ZC3H13: variants seen among roughly 807,000 people sequenced by gnomAD.
ZC3H13 encodes zinc finger CCCH-type containing 13.
ZC3H13 carries 64 observed loss-of-function variants against 204.1 expected under a neutral mutation model. The ratio of observed to expected loss-of-function variants is 0.31; its 90% CI spans 0.26 to 0.39. The LOEUF (loss-of-function observed/expected upper bound fraction) is 0.39, where lower values mean the gene tolerates loss of function less well. Among genes scored for constraint, ZC3H13 ranks in the 10% least tolerant of loss-of-function variants. The pLI is 1.00. For synonymous variants in ZC3H13, 667 were observed against 693.7 expected, an observed-to-expected ratio of 0.96 and a Z score of 0.60; for missense variants, 1,833 against 2,082.7, an observed-to-expected ratio of 0.88 and a Z score of 2.33.
intron 8 of ZC3H13, among the ~76,000 whole-genome samples, chr13:45,991,446 C>G (rs974263584): frequency 6.6e-6 from 1 of 152,174 alleles, no homozygotes; most frequent in South Asian, 2.1e-4. Flanking sequence ...TTTACTCAAC[C>G]TTCACCTACG....
At chr13:46,003,404 T>G in intron 7 of ZC3H13, 68 bp from the exon 8 acceptor site, 1 of 1,445,564 alleles carries the variant, frequency 6.9e-7, no homozygotes, top group South Asian at 1.3e-5. Context: ...AAAGCCTTCT[T>G]AAAAACAGCA....
intron 12 of ZC3H13, among the ~76,000 whole-genome samples, chr13:45,972,784 G>C (rs1342468400): frequency 6.6e-6 from 1 of 152,170 alleles, no homozygotes; most frequent in Non-Finnish European, 1.5e-5. Flanking sequence ...TATGACAAGA[G>C]AATGTGGTGA....
chr13:45,984,341 T>C (rs1953981400), intron 10 of ZC3H13, among the ~76,000 whole-genome samples: 2 of 152,298 alleles, frequency 1.3e-5, no homozygotes. Flanking sequence ...TATATCCTTT[T>C]ATACATTCAA....
intron 4 of ZC3H13, among the ~76,000 whole-genome samples, chr13:46,029,141 C>G (rs371687477): frequency 5.3e-4 from 81 of 152,166 alleles, no homozygotes; most frequent in African/African-American, 1.9e-3. Context: ...ATCCCATGAA[C>G]ATTAAAAATA....
intron 4 of ZC3H13, among the ~76,000 whole-genome samples, chr13:46,030,380 A>G (rs961416233): frequency 6.6e-6 from 1 of 152,230 alleles, no homozygotes. Flanking sequence ...ATCTAATGCA[A>G]TAAGACAAGA....
chr13:45,987,623 A>C (rs1336097574), intron 9 of ZC3H13, among the ~76,000 whole-genome samples: 1 of 152,188 alleles, frequency 6.6e-6, no homozygotes, highest in Non-Finnish European at 1.5e-5. Context: ...ATTTTCTTGA[A>C]CAAAAGAACC....
At position 46,042,173 on chromosome 13, in the gene ZC3H13, T is replaced by A; in HGVS notation, c.330A>T (p.Ser110=). Reference sequence around the variant, plus strand: ...GGAAATTCAATCCTACCCTAACAGGTGAGGATGACTCCTCTGTATTTCGTT... The same window carrying A: ...GGAAATTCAATCCTACCCTAACAGGAGAGGATGACTCCTCTGTATTTCGTT... ...PQKRNTEESS[S]PVRKESSRGR... Residue 110 remains serine, a synonymous_variant, in exon 4 of 19, where the codon TCA becomes TCT. Transcript: ENST00000679008. 1 of 1,610,906 alleles carries A rather than the reference T, an allele frequency of 6.2e-7. No individual in the cohort carries two copies. The highest frequency in any genetic ancestry group is 8.5e-7 in the Non-Finnish European group (1 of 1,177,190).
At position 45,969,008 on chromosome 13, in the gene ZC3H13, T is replaced by C. The variant is rs1362718034; in HGVS notation, c.3536A>G (p.Gln1179Arg). ...ETPHVTIEDA[Q>R]HRKPMDQKRS... ...CTTTTGATCCATAGGCTTGCGATGC[T>C]GTGCATCTTCTATAGTCACGTGAGG... Residue 1179 changes from glutamine (Q) to arginine (R), a missense_variant, in exon 14 of 19, where the codon CAG becomes CGG. Transcript: ENST00000679008. The C allele has an allele frequency of 6.2e-7, 1 of 1,614,262 alleles. No individual in the cohort carries two copies. The highest frequency in any genetic ancestry group is 1.1e-5 in the South Asian group (1 of 91,090).
chr13:46,009,312 A>G (rs2041378049), intron 7 of ZC3H13, among the ~76,000 whole-genome samples: 1 of 152,188 alleles, frequency 6.6e-6, no homozygotes, highest in Non-Finnish European at 1.5e-5. Flanking sequence ...TGAGTTTTTC[A>G]ATGGTATAAT....
intron 11 of ZC3H13, among the ~76,000 whole-genome samples, chr13:45,977,783 CCCTT>C (rs1566188378): frequency 6.6e-6 from 1 of 152,048 alleles, no homozygotes; most frequent in Non-Finnish European, 1.5e-5. Flanking sequence ...TTTCCCAACA[CCCTT>C]AATATGTTTT....
intron 7 of ZC3H13, 129 bp downstream of exon 7, chr13:46,010,219 C>A: frequency 2.1e-6 from 2 of 967,760 alleles, no homozygotes; most frequent in Non-Finnish European, 2.8e-6. Flanking sequence ...TTTCAAATTT[C>A]TTTTTAGAAC....
intron 4 of ZC3H13, among the ~76,000 whole-genome samples, chr13:46,035,161 C>G (rs537345070): frequency 3.9e-5 from 6 of 152,242 alleles, no homozygotes; most frequent in African/African-American, 1.2e-4. Context: ...GAAGCCCAAG[C>G]TATCCAAGGG....
At chr13:46,011,357 T>C in intron 6 of ZC3H13, 58 bp downstream of exon 6, 1 of 1,472,712 alleles carries the variant, frequency 6.8e-7, no homozygotes, top group Admixed American at 2.3e-5. Context: ...CTGAGTTATC[T>C]GATCAATACA....
chr13:46,050,325 G>C (rs1275320094), intron 1 of ZC3H13, among the ~76,000 whole-genome samples: 1 of 152,062 alleles, frequency 6.6e-6, no homozygotes, highest in African/African-American at 2.4e-5. Context: ...AATGACTCCA[G>C]AAGCTCAATT....
chr13:45,991,237 A>G (rs1169526468), intron 8 of ZC3H13, among the ~76,000 whole-genome samples: 1 of 152,230 alleles, frequency 6.6e-6, no homozygotes, highest in Non-Finnish European at 1.5e-5. Flanking sequence ...TTATTAGTTC[A>G]TAAAACTTAA....
At chr13:46,000,104 T>C (rs2040632023) in intron 8 of ZC3H13, among the ~76,000 whole-genome samples, 1 of 152,210 alleles carries the variant, frequency 6.6e-6, no homozygotes, top group Non-Finnish European at 1.5e-5. Context: ...AAAGTACATT[T>C]AGCATAATTC....
intron 15 of ZC3H13, among the ~76,000 whole-genome samples, chr13:45,966,035 CT>C (rs1419362033): frequency 6.6e-6 from 1 of 152,060 alleles, no homozygotes; most frequent in Non-Finnish European, 1.5e-5. Flanking sequence ...TAGAAAAATG[CT>C]TTAATACAAT....
At chr13:46,008,889 A>G (rs1457025169) in intron 7 of ZC3H13, among the ~76,000 whole-genome samples, 2 of 152,174 alleles carry the variant, frequency 1.3e-5, no homozygotes, top group Non-Finnish European at 2.9e-5. Context: ...AGTAGGCAAT[A>G]TGAGGGAGAG....
Position 45,995,024 on chromosome 13 carries a change from A to C in ZC3H13, c.945-5927T>G, listed in dbSNP as rs9567602. Among the ~76,000 whole-genome samples the C allele has an allele frequency of 1.0e-4, 15 of 148,968 alleles. 1 individual carries two copies. The highest frequency in any genetic ancestry group is 2.1e-4 in the South Asian group (1 of 4,738). On this transcript the variant is annotated intron_variant, in intron 8 of 18. Coordinates refer to ENST00000679008, the MANE Select transcript of ZC3H13 (RefSeq NM_001330564.2). ...TTTAACTATCAGTGAAAAAAAAAAA[A>C]AAAAACGCCACCACCTGGCACCAGA...
Sources: allele counts gnomAD v4.1 joint callset (sites outside exome capture counted in the v4.1 genomes callset), GRCh38; gene constraint gnomAD v4.1.1; transcripts MANE v1.5; gene names NCBI Gene and HGNC (gene_info 2026-07-23, HGNC 2026-07-21).